Variants in STAT5B observed in about 807,000 individuals in gnomAD.
STAT5B encodes signal transducer and activator of transcription 5B, also known as transcription factor STAT5B.
In STAT5B, 21 loss-of-function variants were observed where a neutral mutation model predicts 107.8. That is an observed-to-expected ratio of 0.19 (90% CI 0.14 to 0.28). STAT5B has a LOEUF of 0.28. STAT5B is among the 10% of genes least tolerant of loss of function. The pLI is 1.00. For synonymous variants in STAT5B, 325 were observed against 401.7 expected (o/e 0.81, Z 2.28); for missense variants, 565 against 1,008.2 (o/e 0.56, Z 5.95).
chr17:42,272,428 T>C (rs1314084753), intron 1 of STAT5B: 4 of 152,344 alleles, frequency 2.6e-5, no homozygotes, highest in African/African-American at 9.6e-5. Flanking sequence ...CTTAGTGCTA[T>C]ACATTTTCCA....
At chr17:42,271,593 T>G (rs978492709) in intron 1 of STAT5B, 12 of 152,166 alleles carry the variant, frequency 7.9e-5, no homozygotes, top group Admixed American at 6.6e-4. Flanking sequence ...AAAAGGTTAT[T>G]CAGGGTACCA....
At chr17:42,252,790 C>T (rs535609151) in intron 1 of STAT5B, among the ~76,000 whole-genome samples, 19 of 152,182 alleles carry the variant, frequency 1.2e-4, no homozygotes, top group Non-Finnish European at 2.5e-4. Context: ...ATAGAGCTAA[C>T]ACTTTATTGC....
At chr17:42,225,847 T>C (rs920636862) in intron 3 of STAT5B, among the ~76,000 whole-genome samples, 7 of 152,192 alleles carry the variant, frequency 4.6e-5, no homozygotes, top group African/African-American at 1.7e-4. Flanking sequence ...TGCTCGGAGA[T>C]GTGCAATGTT....
chr17:42,218,745 T>C lies in STAT5B; in HGVS notation c.967A>G (p.Ile323Val), dbSNP rs539091753. ...CACCTGGTCACCAGGGCTGAGATAA[T>C]GTCCGTGATGGTGGCGTTGACCTCG... ...LAEVNATITDIISALVTSTFI... is the reference protein window; with the variant it reads ...LAEVNATITDVISALVTSTFI... Residue 323 changes from isoleucine (I) to valine (V), a missense_variant, in exon 8 of 19, where the codon ATT (isoleucine) becomes GTT (valine). Coordinates refer to ENST00000293328, the MANE Select transcript of STAT5B (RefSeq NM_012448.4). The C allele has an allele frequency of 1.9e-6, 3 of 1,612,660 alleles. No homozygotes were observed.
intron 1 of STAT5B, among the ~76,000 whole-genome samples, chr17:42,240,156 A>G (rs560129354): frequency 6.6e-6 from 1 of 152,194 alleles, no homozygotes; most frequent in Admixed American, 6.5e-5. Context: ...AAACAAAGCA[A>G]AACAAAAAAC....
chr17:42,215,295 C>G (rs983212830), intron 12 of STAT5B, among the ~76,000 whole-genome samples: 1 of 152,086 alleles, frequency 6.6e-6, no homozygotes. Flanking sequence ...CTGGAGTGAA[C>G]CTAGGAGTCC....
chr17:42,200,960 G>A lies in STAT5B; in HGVS notation c.*778C>T. The stretch of plus-strand genomic sequence containing the variant: ...TGGCACTGTAAGCTCTCAGTTACGT[G>A]GCCCTCTTTTCTCTCCTCTATTTCT... On this transcript the variant is annotated 3_prime_UTR_variant, in exon 19 of 19. Transcript: ENST00000293328. The A allele has an allele frequency of 5.0e-6, 2 of 398,028 alleles. No individual in the cohort carries two copies. The highest frequency in any genetic ancestry group is 8.8e-6 in the Non-Finnish European group (2 of 226,268). 24.7% of individuals were successfully genotyped at this position (398,028 alleles called of 1,614,324 possible).
At chr17:42,217,651 G>A in intron 9 of STAT5B, 187 bp from the exon 10 acceptor site, 1 of 629,570 alleles carries the variant, frequency 1.6e-6, no homozygotes, top group Non-Finnish European at 2.8e-6. Flanking sequence ...AATGAAACAA[G>A]ATCAAACTAT....
rs1567677419 is a variant in STAT5B at position 42,263,007 on chromosome 17, TATATATATAA to T, written c.-11+13231_-11+13240del. 5.9e-3 allele frequency among the ~76,000 whole-genome samples: 257 copies of T among 43,818 alleles called. 5 individuals carry two copies. Among genetic ancestry groups the T allele is most frequent in the South Asian group, 0.039 (46 of 1,184 alleles). The allele number at this position is 43,818 out of a possible 152,430, so 28.7% of individuals were successfully genotyped here. ...ATATATATATATATATATATATATA[TATATATATAA>T]AAAAACAAAAACAATTTTTTTTTTT... On this transcript the variant is annotated intron_variant, in intron 1 of 18. Transcript: ENST00000293328.
chr17:42,256,464 T>G (rs929801943), intron 1 of STAT5B, among the ~76,000 whole-genome samples: 4 of 152,220 alleles, frequency 2.6e-5, no homozygotes, highest in Non-Finnish European at 5.9e-5. Flanking sequence ...CCTGCTGTAT[T>G]GAGATTAAAG....
chr17:42,251,628 C>A (rs2080500559), intron 1 of STAT5B, among the ~76,000 whole-genome samples: 1 of 151,810 alleles, frequency 6.6e-6, no homozygotes, highest in African/African-American at 2.4e-5. Flanking sequence ...AGCAACTTAC[C>A]TGATGCTACT....
At chr17:42,268,365 T>C (rs1314447613) in intron 1 of STAT5B, among the ~76,000 whole-genome samples, 2 of 152,194 alleles carry the variant, frequency 1.3e-5, no homozygotes, top group Non-Finnish European at 2.9e-5. Flanking sequence ...ATAGGCTTTA[T>C]CATACAGCCT....
At chr17:42,229,110 G>A (rs1319507392) in intron 2 of STAT5B, among the ~76,000 whole-genome samples, 1 of 151,918 alleles carries the variant, frequency 6.6e-6, no homozygotes, top group African/African-American at 2.4e-5. Flanking sequence ...GGGCAGCCCT[G>A]CACCTCTGTT....
At chr17:42,247,853 T>G (rs2080464325) in intron 1 of STAT5B, among the ~76,000 whole-genome samples, 1 of 149,742 alleles carries the variant, frequency 6.7e-6, no homozygotes, top group Non-Finnish European at 1.5e-5. Flanking sequence ...CTTGGGAGGA[T>G]GAGGTGGGAG....
At chr17:42,282,355 G>T in the STAT5B span, among the ~76,000 whole-genome samples, 10 of 151,906 alleles carry the variant, frequency 6.6e-5, no homozygotes, top group African/African-American at 2.4e-4. Context: ...ACAGAGTCTC[G>T]CTCTGTCACC....
intron 1 of STAT5B, among the ~76,000 whole-genome samples, chr17:42,235,900 G>A (rs2080352986): frequency 6.6e-6 from 1 of 152,180 alleles, no homozygotes; most frequent in African/African-American, 2.4e-5. Flanking sequence ...TTCCCTGCTG[G>A]TCAAGCATAT....
At chr17:42,211,032 C>G (rs1377020569) in intron 13 of STAT5B, among the ~76,000 whole-genome samples, 1 of 151,632 alleles carries the variant, frequency 6.6e-6, no homozygotes, top group Non-Finnish European at 1.5e-5. Context: ...GAAACCCCGT[C>G]TCTACTAAAA....
At chr17:42,255,478 T>A (rs941249308) in intron 1 of STAT5B, among the ~76,000 whole-genome samples, 4 of 152,122 alleles carry the variant, frequency 2.6e-5, no homozygotes, top group African/African-American at 9.7e-5. Flanking sequence ...AAGCAAAAAC[T>A]AAACAATCAA....
chr17:42,264,563 T>G (rs139776093), intron 1 of STAT5B, among the ~76,000 whole-genome samples: 7,090 of 152,126 alleles, frequency 0.047, 504 homozygotes, highest in African/African-American at 0.16. Flanking sequence ...CTGCATAGTA[T>G]TCCATGGTGT....
Sources: allele counts gnomAD v4.1 joint callset (sites outside exome capture counted in the v4.1 genomes callset), GRCh38; gene constraint gnomAD v4.1.1; transcripts MANE v1.5; gene names NCBI Gene and HGNC (gene_info 2026-07-23, HGNC 2026-07-21).